Variants in SLC28A2 observed in about 807,000 individuals in gnomAD.
SLC28A2 encodes sodium/nucleoside cotransporter 2.
A neutral mutation model predicts 72.9 loss-of-function variants in SLC28A2; 69 were observed. The ratio of observed to expected loss-of-function variants is 0.95; its 90% CI spans 0.78 to 1.16. The LOEUF (loss-of-function observed/expected upper bound fraction) is 1.16. Ranked by LOEUF, SLC28A2 falls within the 50% of genes most tolerant of loss-of-function variation. SLC28A2 has a pLI of 0.00. For synonymous variants in SLC28A2, 296 were observed against 294.1 expected (o/e 1.01, Z -0.07); for missense variants, 745 against 791.1 (o/e 0.94, Z 0.70).
chr15:45,259,467 A>G (rs1257049904), intron 3 of SLC28A2, among the ~76,000 whole-genome samples: 1 of 152,204 alleles, frequency 6.6e-6, no homozygotes, highest in Non-Finnish European at 1.5e-5. Flanking sequence ...CACTGCACCC[A>G]GCCAATTTTT....
At chr15:45,254,150 G>C (rs538866285) in intron 3 of SLC28A2, among the ~76,000 whole-genome samples, 29 of 152,230 alleles carry the variant, frequency 1.9e-4, no homozygotes, top group African/African-American at 5.8e-4. Flanking sequence ...GAGTAAAATA[G>C]ATCATATGGA....
At chr15:45,266,901 T>C (rs114958382) in intron 10 of SLC28A2, among the ~76,000 whole-genome samples, 328 of 152,344 alleles carry the variant, frequency 2.2e-3, no homozygotes, top group African/African-American at 7.5e-3. Flanking sequence ...GCTAGGCACA[T>C]AGTTGGTACT....
At chr15:45,262,212 T>G in intron 4 of SLC28A2, 106 bp downstream of exon 4, 1 of 738,284 alleles carries the variant, frequency 1.4e-6, no homozygotes, top group East Asian at 2.5e-5. Flanking sequence ...AAAACTGATC[T>G]AAAAAGCTAT....
intron 3 of SLC28A2, among the ~76,000 whole-genome samples, chr15:45,257,049 G>A (rs1025116268): frequency 7.2e-5 from 11 of 152,152 alleles, no homozygotes; most frequent in African/African-American, 1.9e-4. Context: ...CTATGCTCTA[G>A]TGAAAGTCAA....
intron 3 of SLC28A2, among the ~76,000 whole-genome samples, chr15:45,259,054 G>C (rs1316867567): frequency 6.6e-6 from 1 of 152,084 alleles, no homozygotes; most frequent in Non-Finnish European, 1.5e-5. Context: ...TAAGGAACTT[G>C]TGCATCTTTT....
chr15:45,262,627 T>G (rs1264519216), intron 4 of SLC28A2, among the ~76,000 whole-genome samples: 1 of 152,184 alleles, frequency 6.6e-6, no homozygotes, highest in African/African-American at 2.4e-5. Context: ...GAGGTCCACA[T>G]GGCTGCACTT....
rs771452977 is a variant in SLC28A2 at position 45,263,932 on chromosome 15, C to T, written c.498C>T (p.Asp166=). ...GCCTTATACTGTGGTTGGCTTTAGA[C>T]ACAGCCCAAAGGCCAGAGCAGCTGA... is the stretch of plus-strand genomic sequence containing the variant. ...LVGLILWLAL[D]TAQRPEQLIP... Residue 166 remains aspartate (D), a synonymous_variant, in exon 6 of 18, where the codon GAC becomes GAT. Coordinates refer to ENST00000347644, the MANE Select transcript of SLC28A2 (RefSeq NM_004212.4). 1.2e-6 allele frequency: 2 copies of T among 1,613,524 alleles called. No homozygotes were observed. The highest frequency in any genetic ancestry group is 2.7e-5 in the African/African-American group (2 of 74,930).
Position 45,253,521 on chromosome 15 carries a change from G to T in SLC28A2, c.170+1G>T. ...GACTGGGCCCTTCCACTTACCAGAGGTACTGGTGTTTTGGAATCTTGTTCA... is the reference window on the plus strand; with the variant it reads ...GACTGGGCCCTTCCACTTACCAGAGTTACTGGTGTTTTGGAATCTTGTTCA... On this transcript the variant is annotated splice_donor_variant, in intron 3 of 17. Coordinates refer to ENST00000347644, the MANE Select transcript of SLC28A2 (RefSeq NM_004212.4). LOFTEE classifies it high-confidence loss of function. The T allele has an allele frequency of 6.2e-7, 1 of 1,604,616 alleles. No homozygotes were observed. Among genetic ancestry groups the T allele is most frequent in the Non-Finnish European group, 8.5e-7 (1 of 1,171,822 alleles).
Position 45,267,790 on chromosome 15 carries a change from C to G in SLC28A2, c.1193C>G (p.Pro398Arg). The G allele has an allele frequency of 5.0e-6, 8 of 1,613,848 alleles. No homozygotes were observed. The highest frequency in any genetic ancestry group is 6.8e-6 in the Non-Finnish European group (8 of 1,179,954). ...KFKSEEGVKLPRGKERNVLEA... is the reference protein window; with the variant it reads ...KFKSEEGVKLRRGKERNVLEA... ...AAGAGTGAGGAGGGGGTAAAGCTGC[C>G]CCGTGGGTGAGTCCAAGGAGGCATA... is the stretch of plus-strand genomic sequence containing the variant. Residue 398 changes from proline to arginine, a missense_variant, in exon 12 of 18, where the codon CCC becomes CGC. By Grantham distance (103) the Pro-to-Arg change is moderately radical. Transcript: ENST00000347644.
intron 17 of SLC28A2, among the ~76,000 whole-genome samples, chr15:45,274,956 G>A (rs1425136463): frequency 1.3e-5 from 2 of 152,010 alleles, no homozygotes; most frequent in African/African-American, 4.8e-5. Flanking sequence ...TGTTCTTGTG[G>A]CATTTTGGTG....
intron 17 of SLC28A2, among the ~76,000 whole-genome samples, chr15:45,273,222 C>G (rs929478236): frequency 6.6e-6 from 1 of 152,058 alleles, no homozygotes; most frequent in African/African-American, 2.4e-5. Context: ...GTAGGTTATA[C>G]GTAGACTTAG....
At chr15:45,272,448 A>G (rs1567062910) in intron 16 of SLC28A2, 55 bp downstream of exon 16, 1 of 1,367,648 alleles carries the variant, frequency 7.3e-7, no homozygotes, top group Non-Finnish European at 1.0e-6. Flanking sequence ...TGGTTGGAGG[A>G]ATAATATGAG....
chr15:45,267,743 G>A lies in SLC28A2; in HGVS notation c.1146G>A (p.Pro382=), dbSNP rs139537844. The change falls in exon 12 of 18, where the codon CCG becomes CCA. Residue 382 remains proline, a synonymous_variant. Coordinates refer to ENST00000347644, the MANE Select transcript of SLC28A2 (RefSeq NM_004212.4). ...CALASSKLAY[P]EVEESKFKSE... ...TCGCCTCATCAAAGCTAGCGTATCCGGAAGTGGAGGAGTCCAAGTTCAAGA... is the reference window on the plus strand; with the variant it reads ...TCGCCTCATCAAAGCTAGCGTATCCAGAAGTGGAGGAGTCCAAGTTCAAGA... 84 of 1,614,072 alleles carry A rather than the reference G, an allele frequency of 5.2e-5. No homozygotes were observed. The Admixed American group carries it at 7.3e-4, about 14-fold the overall frequency.
chr15:45,274,620 C>T (rs190843709), intron 17 of SLC28A2, among the ~76,000 whole-genome samples: 154 of 152,244 alleles, frequency 1.0e-3, no homozygotes, highest in Admixed American at 2.6e-3. Flanking sequence ...GAATGTTGCC[C>T]CTCCTGTGTT....
At chr15:45,262,158 T>G (rs759318097) in intron 4 of SLC28A2, 52 bp downstream of exon 4, 1 of 1,370,216 alleles carries the variant, frequency 7.3e-7, no homozygotes, top group South Asian at 1.2e-5. Context: ...TTTAGAAATT[T>G]GCCTTGTGTC....
intron 13 of SLC28A2, 113 bp from the exon 14 acceptor site, chr15:45,269,225 A>C: frequency 1.3e-6 from 1 of 785,192 alleles, no homozygotes; most frequent in Admixed American, 2.2e-5. Flanking sequence ...GCCAAGAGAG[A>C]GCATGAATAG....
At chr15:45,267,922 T>G in intron 12 of SLC28A2, 126 bp downstream of exon 12, 5 of 1,215,550 alleles carry the variant, frequency 4.1e-6, no homozygotes, top group Non-Finnish European at 5.9e-6. Context: ...CTTGCCTATC[T>G]CTGGTGCTTG....
chr15:45,261,731 A>G (rs915599981), intron 3 of SLC28A2, among the ~76,000 whole-genome samples: 1 of 152,232 alleles, frequency 6.6e-6, no homozygotes, highest in Non-Finnish European at 1.5e-5. Flanking sequence ...AAAGGAAAGT[A>G]GTAGACCCCT....
At chr15:45,253,350 CT>C in intron 2 of SLC28A2, 54 bp downstream of exon 2, 2 of 1,556,508 alleles carry the variant, frequency 1.3e-6, no homozygotes, top group Non-Finnish European at 1.8e-6. Flanking sequence ...GCATGGGCTC[CT>C]GTAGGGTATT....
Sources: gnomAD v4.1 joint callset for allele counts (sites outside exome capture counted in the v4.1 genomes callset) on GRCh38, gnomAD v4.1.1 for gene constraint, MANE v1.5 for transcripts, NCBI Gene and HGNC (gene_info 2026-07-23, HGNC 2026-07-21) for gene names.